The following NTN1 variants were observed in gnomAD, a reference collection of about 807,000 sequenced individuals.
NTN1 encodes the protein netrin-1.
In NTN1, 11 loss-of-function variants were observed where a neutral mutation model predicts 54.2. The ratio of observed to expected loss-of-function variants is 0.20; its 90% CI spans 0.13 to 0.34. The LOEUF is 0.34. NTN1 is among the 10% of genes least tolerant of loss of function. The pLI, the probability that NTN1 is intolerant of heterozygous loss-of-function variation, is 1.00. For missense variants in NTN1, 740 were observed against 893.1 expected, an observed-to-expected ratio of 0.83 and a Z score of 2.18; for synonymous variants, 371 against 382.0, an observed-to-expected ratio of 0.97 and a Z score of 0.33.
rs534487651 is a variant in NTN1, at chr17:9,197,102, G to C, written c.1411+14133G>C. On this transcript the variant is annotated intron_variant, in intron 5 of 6. Transcript: ENST00000173229. Reference sequence around the variant, plus strand: ...TCCTCAGCACAGCATTGTCCAAAAGGCATCCTGAGAGTGAAATTCAGGCTC... The same window carrying C: ...TCCTCAGCACAGCATTGTCCAAAAGCCATCCTGAGAGTGAAATTCAGGCTC... 2.0e-5 allele frequency among the ~76,000 whole-genome samples: 3 copies of C among 152,020 alleles called. No individual in the cohort carries two copies. The East Asian group carries it at 5.8e-4, about 29-fold the overall frequency.
upstream of NTN1, among the ~76,000 whole-genome samples, chr17:9,018,727 C>A (rs1199989343): frequency 6.6e-6 from 1 of 151,908 alleles, no homozygotes; most frequent in Non-Finnish European, 1.5e-5. Flanking sequence ...CCAAAAGGTA[C>A]CCCAGTCAGC....
At position 9,146,619 on chromosome 17, in the gene NTN1, AGACACACCC is replaced by A. The variant is rs1167060049; in HGVS notation, c.1019-16193_1019-16185del. ...CTTTAGACACACCCTGGGGGTCTTT[AGACACACCC>A]TGGGGCTCCTGGCAGCCATGCCCTC... On this transcript the variant is annotated intron_variant, in intron 2 of 6. Coordinates refer to ENST00000173229, the MANE Select transcript of NTN1 (RefSeq NM_004822.3). 7.4e-3 allele frequency among the ~76,000 whole-genome samples: 1,069 copies of A among 144,666 alleles called. 16 individuals carry two copies. The highest frequency in any genetic ancestry group is 0.029 in the African/African-American group (1,023 of 35,432). 94.9% of individuals were successfully genotyped at this position (144,666 alleles called of 152,430 possible). A position where few individuals can be genotyped will look rare whatever the true frequency, so the allele number is the denominator to read the frequency against.
intron 2 of NTN1, among the ~76,000 whole-genome samples, chr17:9,049,960 A>G (rs934018640): frequency 2.6e-5 from 4 of 152,162 alleles, no homozygotes; most frequent in Non-Finnish European, 4.4e-5. Context: ...AAAATAATAA[A>G]TGTCGGCCAG....
At chr17:9,220,763 C>G (rs1321125674) in intron 5 of NTN1, among the ~76,000 whole-genome samples, 1 of 152,116 alleles carries the variant, frequency 6.6e-6, no homozygotes, top group African/African-American at 2.4e-5. Flanking sequence ...CCATGAAAGC[C>G]AGCGCCTGAC....
At chr17:9,018,115 G>A (rs555724769), upstream of NTN1, among the ~76,000 whole-genome samples, 1 of 152,124 alleles carries the variant, frequency 6.6e-6, no homozygotes, top group Non-Finnish European at 1.5e-5. Flanking sequence ...CGTATTACAG[G>A]AGGTTCTAGA....
At position 9,221,156 on chromosome 17, in the gene NTN1, A is replaced by G. The variant is rs562548069; in HGVS notation, c.1412-12A>G. 1.3e-5 allele frequency: 11 copies of G among 853,992 alleles called. No homozygotes were observed. Among genetic ancestry groups the G allele is most frequent in the Admixed American group, 5.4e-5 (2 of 36,740 alleles). 52.9% of individuals were successfully genotyped at this position (853,992 alleles called of 1,614,324 possible). The stretch of plus-strand genomic sequence containing the variant: ...TAGTTTTTGTCTGTGCTCCCCCCCC[A>G]CCCCCCTGCAGACTGCGATTCCTAC... On this transcript the variant is annotated splice_polypyrimidine_tract_variant and intron_variant, in intron 5 of 6. Transcript: ENST00000173229. The surrounding 1 kb of genome is among the most constrained non-coding windows in gnomAD (Gnocchi z 4.5).
chr17:9,209,227 A>T (rs1165712308), intron 5 of NTN1, among the ~76,000 whole-genome samples: 1 of 152,216 alleles, frequency 6.6e-6, no homozygotes, highest in Admixed American at 6.5e-5. Context: ...GAATGACCCC[A>T]GATCATAGGT....
rs888485610 is a variant in NTN1 at position 9,221,328 on chromosome 17, G to A, written c.1486+86G>A. ...TGGGGCTGGGGTGCAGCTGGCCCCC[G>A]ATGGGTGTTGGTCGTGAAGACCCTG... On this transcript the variant is annotated intron_variant, in intron 6 of 6. Transcript: ENST00000173229. The surrounding 1 kb of genome is among the most constrained non-coding windows in gnomAD (Gnocchi z 4.5). 1.2e-5 allele frequency: 12 copies of A among 1,016,524 alleles called. No homozygotes were observed. Among genetic ancestry groups the A allele is most frequent in the African/African-American group, 3.2e-5 (2 of 63,198 alleles). The allele number at this position is 1,016,524 out of a possible 1,614,324, so 63.0% of individuals were successfully genotyped here.
chr17:9,037,161 A>C (rs1406233641), intron 2 of NTN1, among the ~76,000 whole-genome samples: 1 of 152,204 alleles, frequency 6.6e-6, no homozygotes, highest in African/African-American at 2.4e-5. Flanking sequence ...CTTCCAACAC[A>C]ATAGATTTAA....
chr17:9,179,682 G>C (rs1165275918), intron 3 of NTN1, 125 bp from the exon 4 acceptor site: 3 of 1,217,318 alleles, frequency 2.5e-6, no homozygotes, highest in Non-Finnish European at 3.4e-6. Context: ...GGCTGGGCCT[G>C]CTCCCCATCG....
intron 5 of NTN1, among the ~76,000 whole-genome samples, chr17:9,184,717 C>T (rs1052502312): frequency 6.6e-6 from 1 of 152,288 alleles, no homozygotes; most frequent in African/African-American, 2.4e-5. Context: ...TTGAGTTTCT[C>T]ACAAACCCAC....
chr17:9,123,879 G>A (rs1376850279), intron 2 of NTN1, among the ~76,000 whole-genome samples: 1 of 152,212 alleles, frequency 6.6e-6, no homozygotes, highest in Non-Finnish European at 1.5e-5. Context: ...CATGAAAAAT[G>A]TGAAGGGTTA....
chr17:9,024,112 A>G (rs1341762247), intron 2 of NTN1, among the ~76,000 whole-genome samples: 1 of 152,244 alleles, frequency 6.6e-6, no homozygotes, highest in Non-Finnish European at 1.5e-5. Flanking sequence ...TGGTGAAATT[A>G]AACAGTTTTG....
intron 2 of NTN1, among the ~76,000 whole-genome samples, chr17:9,115,518 G>T (rs937963056): frequency 8.5e-5 from 13 of 152,236 alleles, no homozygotes; most frequent in African/African-American, 3.1e-4. Context: ...GACAGATCCC[G>T]GCTGAAATCT....
At position 9,219,835 on chromosome 17, in the gene NTN1, G is replaced by A. The variant is rs567793204; in HGVS notation, c.1412-1333G>A. 6.6e-6 allele frequency among the ~76,000 whole-genome samples: 1 copy of A among 151,906 alleles called. No homozygotes were observed. Among genetic ancestry groups the A allele is most frequent in the South Asian group, 2.1e-4 (1 of 4,822 alleles). On this transcript the variant is annotated intron_variant, in intron 5 of 6. Transcript: ENST00000173229. The surrounding 1 kb of genome is among the most constrained non-coding windows in gnomAD (Gnocchi z 4.5). ...CCCTGGAGCAGCCGCCCGTGTGTGT[G>A]CACGTGTGTGTGCACGTGTGTGTTG...
Position 9,022,291 on chromosome 17 carries a change from C to A in NTN1, c.-63-20C>A. ...GGGCGCGGGGCGGGCTGGCTGAGCG[C>A]AGCTCCCTTCTCTCCGCAGGCGCCT... On this transcript the variant is annotated intron_variant, in intron 1 of 6. Transcript: ENST00000173229. 1 of 1,237,344 alleles carries A rather than the reference C, an allele frequency of 8.1e-7. No homozygotes were observed. Among genetic ancestry groups the A allele is most frequent in the Non-Finnish European group, 1.0e-6 (1 of 990,038 alleles). The allele number at this position is 1,237,344 out of a possible 1,614,324, so 76.6% of individuals were successfully genotyped here.
At chr17:9,059,655 G>C (rs181819907) in intron 2 of NTN1, among the ~76,000 whole-genome samples, 143 of 152,316 alleles carry the variant, frequency 9.4e-4, no homozygotes, top group Non-Finnish European at 1.5e-3. Flanking sequence ...GCGGGAGGAA[G>C]GGGAAATGGG....
chr17:9,015,937 G>T, the NTN1 span, among the ~76,000 whole-genome samples: 1 of 152,062 alleles, frequency 6.6e-6, no homozygotes, highest in African/African-American at 2.4e-5. Flanking sequence ...AGCCAGGCAT[G>T]GTGGTGGGCG....
chr17:9,199,173 G>A (rs548558328), intron 5 of NTN1, among the ~76,000 whole-genome samples: 21 of 152,090 alleles, frequency 1.4e-4, no homozygotes, highest in African/African-American at 3.9e-4. Context: ...ACAGTGTTTC[G>A]CTCTTGTTGC....
Sources: allele counts gnomAD v4.1 joint callset (sites outside exome capture counted in the v4.1 genomes callset), GRCh38; gene constraint gnomAD v4.1.1; non-coding constraint Gnocchi (gnomAD v3.1); transcripts MANE v1.5; gene names NCBI Gene and HGNC (gene_info 2026-07-23, HGNC 2026-07-21).